Variants in VWA5B1 observed in about 807,000 individuals in gnomAD.
VWA5B1 encodes von Willebrand factor A domain-containing protein 5B1.
VWA5B1 carries 115 observed loss-of-function variants against 118.2 expected under a neutral mutation model. That is an observed-to-expected ratio of 0.97 (90% CI 0.84 to 1.14). VWA5B1 has a LOEUF of 1.14. Ranked by LOEUF, VWA5B1 falls within the 50% of genes most tolerant of loss-of-function variation. VWA5B1 has a pLI of 0.00. For missense variants in VWA5B1, 1,596 were observed against 1,603.8 expected (o/e 1.00, Z 0.08); for synonymous variants, 682 against 658.4 (o/e 1.04, Z -0.55).
intron 1 of VWA5B1, among the ~76,000 whole-genome samples, chr1:20,301,385 A>T (rs1256202644): frequency 6.6e-6 from 1 of 152,174 alleles, no homozygotes; most frequent in Non-Finnish European, 1.5e-5. Flanking sequence ...AAGAGAAGAC[A>T]TTTTTACCCG....
chr1:20,331,240 C>T (rs2089545275), intron 11 of VWA5B1, among the ~76,000 whole-genome samples: 1 of 152,198 alleles, frequency 6.6e-6, no homozygotes. Context: ...AGATGAGGCT[C>T]CTGGAAAAGC....
chr1:20,304,997 T>C (rs1348859030), intron 1 of VWA5B1, among the ~76,000 whole-genome samples: 1 of 152,132 alleles, frequency 6.6e-6, no homozygotes, highest in Admixed American at 6.5e-5. Flanking sequence ...GCATCTGCTA[T>C]GTGCCTGGCA....
intron 17 of VWA5B1, among the ~76,000 whole-genome samples, chr1:20,346,327 C>T (rs965430470): frequency 6.6e-6 from 1 of 152,210 alleles, no homozygotes; most frequent in East Asian, 1.9e-4. Flanking sequence ...CCGTGATGGG[C>T]TGGAGCCAGG....
chr1:20,345,634 G>T (rs374722310), intron 17 of VWA5B1, 41 bp downstream of exon 17: 3 of 1,508,760 alleles, frequency 2.0e-6, no homozygotes, highest in Non-Finnish European at 1.8e-6. Context: ...TGGGGGCCAA[G>T]CAGCCCCTGT....
At chr1:20,346,300 T>C (rs2090006683) in intron 17 of VWA5B1, among the ~76,000 whole-genome samples, 1 of 152,242 alleles carries the variant, frequency 6.6e-6, no homozygotes, top group South Asian at 2.1e-4. Context: ...CTGAGTTACT[T>C]TCCTGAGGTC....
chr1:20,314,827 C>T (rs1057030154), intron 4 of VWA5B1, among the ~76,000 whole-genome samples: 2 of 151,688 alleles, frequency 1.3e-5, no homozygotes, highest in Non-Finnish European at 2.9e-5. Flanking sequence ...ATTTGGACAG[C>T]TTGGAATCAG....
At chr1:20,338,958 G>T (rs921380766) in intron 14 of VWA5B1, 3 of 152,272 alleles carry the variant, frequency 2.0e-5, no homozygotes, top group Non-Finnish European at 4.4e-5. Context: ...GAGCAACCAT[G>T]CCTGGCAGCA....
intron 1 of VWA5B1, among the ~76,000 whole-genome samples, chr1:20,301,944 A>G (rs1397429663): frequency 6.6e-6 from 1 of 152,150 alleles, no homozygotes; most frequent in Admixed American, 6.5e-5. Context: ...CAGTTTCTGT[A>G]TATGTAAACC....
At chr1:20,305,418 G>C (rs4655189) in intron 1 of VWA5B1, among the ~76,000 whole-genome samples, 15 of 152,134 alleles carry the variant, frequency 9.9e-5, no homozygotes, top group African/African-American at 3.4e-4. Flanking sequence ...AGGAAGTCAT[G>C]AGCCAAGCGC....
chr1:20,345,024 T>C (rs1167240071), intron 16 of VWA5B1, among the ~76,000 whole-genome samples: 2 of 152,240 alleles, frequency 1.3e-5, no homozygotes, highest in Non-Finnish European at 2.9e-5. Context: ...TGATTTGCAA[T>C]GTCCTCAGCA....
chr1:20,319,434 G>A lies in VWA5B1; in HGVS notation c.894G>A (p.Glu298=). The A allele has an allele frequency of 2.6e-6, 4 of 1,551,794 alleles. No individual in the cohort carries two copies. The highest frequency in any genetic ancestry group is 1.7e-6 in the Non-Finnish European group (2 of 1,147,016). The change falls in exon 7 of 22, where the codon GAG becomes GAA. Residue 298 remains glutamate, a synonymous_variant. Coordinates refer to ENST00000289815, the MANE Select transcript of VWA5B1 (RefSeq NM_001039500.3). ...LIEKGDMTLG[E]FDQHLKGRTD... Reference sequence around the variant, plus strand: ...AGAAAGGGGACATGACCCTGGGAGAGTTTGACCAGCACTTGAAGGGAAGAA... The same window carrying A: ...AGAAAGGGGACATGACCCTGGGAGAATTTGACCAGCACTTGAAGGGAAGAA...
Position 20,321,614 on chromosome 1 carries a change from G to T in VWA5B1, c.967-1742G>T, listed in dbSNP as rs540750771. On this transcript the variant is annotated intron_variant, in intron 7 of 21. Transcript: ENST00000289815. Reference sequence around the variant, plus strand: ...AATAAAAATAAAAAAGCAAATCAATGAGCCAGATCTGTTTGGAGAGGGCTG... The same window carrying T: ...AATAAAAATAAAAAAGCAAATCAATTAGCCAGATCTGTTTGGAGAGGGCTG... Among the ~76,000 whole-genome samples the T allele has an allele frequency of 2.1e-4, 32 of 152,098 alleles. 1 individual carries two copies. In the South Asian group the frequency reaches 6.6e-3, roughly 32 times the overall value.
chr1:20,299,209 G>A (rs916706613), intron 1 of VWA5B1, among the ~76,000 whole-genome samples: 3 of 151,996 alleles, frequency 2.0e-5, no homozygotes, highest in African/African-American at 7.3e-5. Context: ...TGGGAAACTC[G>A]GTATCCTAAA....
chr1:20,348,789 A>C (rs564959467), intron 18 of VWA5B1, among the ~76,000 whole-genome samples: 1 of 152,356 alleles, frequency 6.6e-6, no homozygotes, highest in African/African-American at 2.4e-5. Context: ...GATTCCCAAC[A>C]GCCTCCTTTG....
chr1:20,334,497 C>G (rs2089659665), intron 12 of VWA5B1, among the ~76,000 whole-genome samples: 2 of 152,176 alleles, frequency 1.3e-5, no homozygotes, highest in South Asian at 4.1e-4. Context: ...TCCTGGGAAG[C>G]AACCTAGAAA....
At chr1:20,347,520 A>G (rs924446233) in intron 17 of VWA5B1, among the ~76,000 whole-genome samples, 1 of 151,976 alleles carries the variant, frequency 6.6e-6, no homozygotes, top group African/African-American at 2.4e-5. Flanking sequence ...GCTCACTGCA[A>G]TCTCTAACTC....
intron 8 of VWA5B1, among the ~76,000 whole-genome samples, chr1:20,327,664 ATGGTGG>A (rs112567851): frequency 2.1e-5 from 3 of 144,796 alleles, no homozygotes; most frequent in Admixed American, 6.8e-5. Flanking sequence ...GATGATGATG[ATGGTGG>A]TGGTGGTGGT....
At position 20,356,245 on chromosome 1, in the gene VWA5B1, A is replaced by T. The variant is rs1472733655; in HGVS notation, c.*1982A>T. Among the ~76,000 whole-genome samples, 5 of 152,096 alleles carry T rather than the reference A, an allele frequency of 3.3e-5. No individual in the cohort carries two copies. The highest frequency in any genetic ancestry group is 1.5e-5 in the Non-Finnish European group (1 of 68,016). On this transcript the variant is annotated 3_prime_UTR_variant, in exon 22 of 22. Coordinates refer to ENST00000289815, the MANE Select transcript of VWA5B1 (RefSeq NM_001039500.3). ...CCAGGTTTTGAGTCAGAACACCCAG[A>T]CTCAGGTCTCAGCCTAGTACTAGTT...
intron 1 of VWA5B1, among the ~76,000 whole-genome samples, chr1:20,301,402 A>G (rs1352632477): frequency 6.6e-6 from 1 of 152,246 alleles, no homozygotes; most frequent in Non-Finnish European, 1.5e-5. Flanking sequence ...CCCGCCCACT[A>G]TACAGAGGGT....
Sources: allele counts gnomAD v4.1 joint callset (sites outside exome capture counted in the v4.1 genomes callset), GRCh38; gene constraint gnomAD v4.1.1; transcripts MANE v1.5; gene names NCBI Gene and HGNC (gene_info 2026-07-23, HGNC 2026-07-21).